SDK1: variants seen among roughly 807,000 people sequenced by gnomAD.
SDK1 encodes the protein protein sidekick-1.
Under a neutral mutation model 245.5 loss-of-function variants are expected in SDK1, and 157 were observed. The observed-to-expected ratio is 0.64, with a 90% confidence interval of 0.56 to 0.73. The LOEUF (loss-of-function observed/expected upper bound fraction) is 0.73. SDK1 is among the 30% of genes least tolerant of loss of function. The probability of loss-of-function intolerance (pLI) is 0.00; values close to 1 mark genes in which losing one functional copy is unlikely to be tolerated. For missense variants in SDK1, 3,583 were observed against 3,002.3 expected, an observed-to-expected ratio of 1.19 and a Z score of -4.52; for synonymous variants, 1,647 against 1,278.5, an observed-to-expected ratio of 1.29 and a Z score of -6.15.
intron 1 of SDK1, among the ~76,000 whole-genome samples, chr7:3,362,581 GTT>G (rs1562441190): frequency 6.6e-6 from 1 of 151,794 alleles, no homozygotes; most frequent in Non-Finnish European, 1.5e-5. Flanking sequence ...GCATAATTGC[GTT>G]TTTCTTTTCA....
At chr7:3,553,985 G>C (rs930904389) in intron 1 of SDK1, among the ~76,000 whole-genome samples, 2 of 152,102 alleles carry the variant, frequency 1.3e-5, no homozygotes, top group African/African-American at 2.4e-5. Context: ...AATTAAGCTG[G>C]CCCTGGAACC....
chr7:3,682,555 A>G (rs1388746997), intron 4 of SDK1, among the ~76,000 whole-genome samples: 1 of 152,242 alleles, frequency 6.6e-6, no homozygotes, highest in Non-Finnish European at 1.5e-5. Context: ...CTGAGCCCCC[A>G]TGCATGGGGC....
chr7:3,860,335 A>G (rs1780660844), intron 5 of SDK1, among the ~76,000 whole-genome samples: 1 of 152,246 alleles, frequency 6.6e-6, no homozygotes, highest in Non-Finnish European at 1.5e-5. Context: ...AAAAAAGACA[A>G]TGAAAAAAAG....
chr7:3,398,768 G>GTTT lies in SDK1; in HGVS notation c.298+96899_298+96901dup, dbSNP rs35147042. 2.3e-3 allele frequency among the ~76,000 whole-genome samples: 311 copies of GTTT among 136,966 alleles called. 3 individuals are homozygous for GTTT. Among genetic ancestry groups the GTTT allele is most frequent in the Admixed American group, 5.1e-3 (71 of 13,896 alleles). 89.9% of individuals were successfully genotyped at this position (136,966 alleles called of 152,430 possible). A position where few individuals can be genotyped will look rare whatever the true frequency, so the allele number is the denominator to read the frequency against. On this transcript the variant is annotated intron_variant, in intron 1 of 44. Transcript: ENST00000404826. Reference sequence around the variant, plus strand: ...GTCCCCTAAGACTGAGCCCCCAGTAGTTTTTTTTTTTTTTTTTCCTCAAGC... The same window carrying GTTT: ...GTCCCCTAAGACTGAGCCCCCAGTAGTTTTTTTTTTTTTTTTTTTTCCTCAAGC...
chr7:3,559,165 A>G (rs1779674812), intron 1 of SDK1, among the ~76,000 whole-genome samples: 1 of 152,188 alleles, frequency 6.6e-6, no homozygotes. Context: ...GATATTATAT[A>G]ATATGTTACA....
chr7:3,859,983 G>T (rs1395980922), intron 5 of SDK1, among the ~76,000 whole-genome samples: 1 of 151,354 alleles, frequency 6.6e-6, no homozygotes, highest in South Asian at 2.1e-4. Context: ...GCAGTGGCAT[G>T]ATCTTGGCTC....
intron 4 of SDK1, among the ~76,000 whole-genome samples, chr7:3,728,420 T>C (rs1164641598): frequency 6.6e-6 from 1 of 152,216 alleles, no homozygotes; most frequent in African/African-American, 2.4e-5. Flanking sequence ...GAAGGCGGGA[T>C]GTGCTCACCA....
intron 5 of SDK1, among the ~76,000 whole-genome samples, chr7:3,901,697 T>A (rs1781795705): frequency 6.6e-6 from 1 of 152,224 alleles, no homozygotes; most frequent in Non-Finnish European, 1.5e-5. Context: ...TAACACTCTT[T>A]ACTCACTCAC....
chr7:3,744,592 A>C (rs111289241), intron 4 of SDK1, among the ~76,000 whole-genome samples: 1 of 152,150 alleles, frequency 6.6e-6, no homozygotes, highest in Non-Finnish European at 1.5e-5. Flanking sequence ...TGGGCAGATC[A>C]CAAAGTCAGG....
chr7:3,526,669 A>G (rs1159952492), intron 1 of SDK1, among the ~76,000 whole-genome samples: 1 of 152,010 alleles, frequency 6.6e-6, no homozygotes, highest in Non-Finnish European at 1.5e-5. Flanking sequence ...CTGCAGTCCC[A>G]TTTATTTTTG....
At chr7:3,398,964 T>G (rs1195968082) in intron 1 of SDK1, among the ~76,000 whole-genome samples, 1 of 152,076 alleles carries the variant, frequency 6.6e-6, no homozygotes, top group Non-Finnish European at 1.5e-5. Context: ...TTGTCCATGT[T>G]CAAGTTTTCC....
intron 22 of SDK1, among the ~76,000 whole-genome samples, chr7:4,093,554 T>C (rs565575930): frequency 6.6e-6 from 1 of 151,992 alleles, no homozygotes; most frequent in Admixed American, 6.5e-5. Flanking sequence ...GAAAGTGTTA[T>C]GGGCTAATAA....
chr7:4,237,485 C>G (rs1786242735), intron 41 of SDK1, among the ~76,000 whole-genome samples, 162 bp from the exon 42 acceptor site: 1 of 152,036 alleles, frequency 6.6e-6, no homozygotes, highest in African/African-American at 2.4e-5. Flanking sequence ...CTGAGCTTGT[C>G]CCATGGGAAA....
chr7:3,612,470 A>C lies in SDK1; in HGVS notation c.299-6610A>C, dbSNP rs931854017. The stretch of plus-strand genomic sequence containing the variant: ...ATTCCTGGCTTCAATAGGTATACAT[A>C]ATGAACTGCCAGCAGCTGAAATTTG... On this transcript the variant is annotated intron_variant, in intron 1 of 44. Coordinates refer to ENST00000404826, the MANE Select transcript of SDK1 (RefSeq NM_152744.4). Among the ~76,000 whole-genome samples the C allele has an allele frequency of 4.6e-5, 7 of 152,180 alleles. No individual in the cohort carries two copies. In the East Asian group the frequency reaches 1.3e-3, roughly 29 times the overall value.
intron 1 of SDK1, among the ~76,000 whole-genome samples, chr7:3,389,602 A>G (rs1259444484): frequency 6.6e-6 from 1 of 152,158 alleles, no homozygotes; most frequent in Admixed American, 6.5e-5. Flanking sequence ...TACAGCAGCA[A>G]CAGAAAACTA....
chr7:3,486,500 T>C (rs1388603798), intron 1 of SDK1, among the ~76,000 whole-genome samples: 2 of 152,186 alleles, frequency 1.3e-5, no homozygotes, highest in Admixed American at 6.5e-5. Context: ...CTAAGTTTAC[T>C]TATTTTCAAT....
intron 4 of SDK1, among the ~76,000 whole-genome samples, chr7:3,709,281 G>A (rs1368626024): frequency 2.0e-5 from 3 of 152,222 alleles, no homozygotes; most frequent in African/African-American, 7.2e-5. Flanking sequence ...CATCCTTTGG[G>A]CTTGTAAGGT....
intron 18 of SDK1, among the ~76,000 whole-genome samples, chr7:4,051,205 T>C (rs1010758928): frequency 7.0e-6 from 1 of 142,042 alleles, no homozygotes; most frequent in African/African-American, 2.6e-5. Context: ...ATATATTATA[T>C]ATGTATACAT....
chr7:4,162,326 A>G (rs1224980985), intron 32 of SDK1, among the ~76,000 whole-genome samples: 1 of 151,464 alleles, frequency 6.6e-6, no homozygotes, highest in African/African-American at 2.4e-5. Flanking sequence ...ATTTTCCCAA[A>G]GTCTGGGGGT....
Sources: allele counts gnomAD v4.1 joint callset (sites outside exome capture counted in the v4.1 genomes callset), GRCh38; gene constraint gnomAD v4.1.1; transcripts MANE v1.5; gene names NCBI Gene and HGNC (gene_info 2026-07-23, HGNC 2026-07-21).